Variants in MAP4K5 observed in about 807,000 individuals in gnomAD.
MAP4K5 encodes the protein MAPK/ERK kinase kinase kinase 5.
MAP4K5 carries 82 observed loss-of-function variants against 135.6 expected under a neutral mutation model. The ratio of observed to expected loss-of-function variants is 0.60; its 90% CI spans 0.51 to 0.73. The LOEUF (loss-of-function observed/expected upper bound fraction) is 0.73, where lower values mean the gene tolerates loss of function less well. Among genes scored for constraint, MAP4K5 ranks in the 30% least tolerant of loss-of-function variants. The probability of loss-of-function intolerance (pLI) is 0.00; values close to 1 mark genes in which losing one functional copy is unlikely to be tolerated. For missense variants in MAP4K5, 907 were observed against 1,010.9 expected (o/e 0.90, Z 1.39); for synonymous variants, 347 against 335.0 (o/e 1.04, Z -0.39).
At chr14:50,534,585 G>A (rs2038469118), upstream of MAP4K5, among the ~76,000 whole-genome samples, 4 of 152,232 alleles carry the variant, frequency 2.6e-5, no homozygotes, top group Admixed American at 2.6e-4. Context: ...CAAGACCCTG[G>A]AGTGCGGATA....
rs377483235 is a variant in MAP4K5 at position 50,440,371 on chromosome 14, C to T, written c.1635G>A (p.Thr545=). 32 of 1,592,396 alleles carry T rather than the reference C, an allele frequency of 2.0e-5. No individual in the cohort carries two copies. The highest frequency in any genetic ancestry group is 1.0e-4 in the South Asian group (9 of 88,888). The change falls in exon 22 of 33, where the codon ACG becomes ACA. Residue 545 remains threonine (T), a synonymous_variant. Coordinates refer to ENST00000682126, the MANE Select transcript of MAP4K5 (RefSeq NM_006575.6). ...TLNLNELHEA[T]MEQLFPRKCT... is the part of the protein sequence containing the mutation. ...TAAAATGCCTAATTACCTGTTCCAT[C>T]GTTGCCTCATGTAGCTCATTGAGAT... is the stretch of plus-strand genomic sequence containing the variant.
intron 28 of MAP4K5, among the ~76,000 whole-genome samples, chr14:50,429,823 C>A (rs2035930500): frequency 6.6e-6 from 1 of 152,140 alleles, no homozygotes; most frequent in African/African-American, 2.4e-5. Context: ...TCAAGAACAT[C>A]TTTGCAGGAT....
intron 27 of MAP4K5, 60 bp from the exon 28 acceptor site, chr14:50,434,631 T>A: frequency 6.9e-7 from 1 of 1,450,562 alleles, no homozygotes; most frequent in Non-Finnish European, 9.4e-7. Context: ...TTCATACCAC[T>A]GTTGAATAAA....
intron 1 of MAP4K5, among the ~76,000 whole-genome samples, chr14:50,553,825 A>G (rs2038733393): frequency 6.6e-6 from 1 of 152,218 alleles, no homozygotes; most frequent in African/African-American, 2.4e-5. Flanking sequence ...GTTGGAGGCC[A>G]TTATTCTAAG....
chr14:50,509,354 T>C (rs2037882179), intron 2 of MAP4K5, among the ~76,000 whole-genome samples: 1 of 152,182 alleles, frequency 6.6e-6, no homozygotes, highest in Non-Finnish European at 1.5e-5. Context: ...ATGCAACAGA[T>C]ACTAGAGAAA....
At chr14:50,490,517 T>C (rs1250221162) in intron 3 of MAP4K5, among the ~76,000 whole-genome samples, 1 of 152,186 alleles carries the variant, frequency 6.6e-6, no homozygotes, top group East Asian at 1.9e-4. Flanking sequence ...CAACATAGTG[T>C]TTCAAGGCTG....
At chr14:50,477,213 T>C (rs980155087) in intron 6 of MAP4K5, among the ~76,000 whole-genome samples, 1 of 152,216 alleles carries the variant, frequency 6.6e-6, no homozygotes, top group Non-Finnish European at 1.5e-5. Flanking sequence ...GTCATATTTA[T>C]CCCTAAGAAT....
chr14:50,441,673 T>A (rs1025402154), intron 21 of MAP4K5, among the ~76,000 whole-genome samples: 1 of 151,464 alleles, frequency 6.6e-6, no homozygotes, highest in South Asian at 2.1e-4. Flanking sequence ...TGCACTGAAC[T>A]ATGACTGCAC....
intron 1 of MAP4K5, among the ~76,000 whole-genome samples, chr14:50,544,317 C>G (rs1433181350): frequency 6.6e-6 from 1 of 152,226 alleles, no homozygotes; most frequent in Non-Finnish European, 1.5e-5. Context: ...TCTGTCCTTA[C>G]TATCAGAACC....
chr14:50,437,985 G>A lies in MAP4K5; in HGVS notation c.1732C>T (p.His578Tyr), dbSNP rs1179258446. The change falls in exon 25 of 33, where the codon CAC becomes TAC. Residue 578 changes from histidine (H) to tyrosine (Y), a missense_variant. Coordinates refer to ENST00000682126, the MANE Select transcript of MAP4K5 (RefSeq NM_006575.6). ...SEGKTFQLYS[H>Y]NLIALFEHAK... ...TGTTCAAACAAAGCTATAAGATTGT[G>A]AGAGTAGAGCTGAAAGGTTTTTCCT... 6.2e-7 allele frequency: 1 copy of A among 1,608,060 alleles called. No homozygotes were observed. Among genetic ancestry groups the A allele is most frequent in the Admixed American group, 1.7e-5 (1 of 59,912 alleles).
chr14:50,556,287 C>T (rs2038764637), intron 1 of MAP4K5, among the ~76,000 whole-genome samples: 1 of 152,124 alleles, frequency 6.6e-6, no homozygotes, highest in East Asian at 1.9e-4. Context: ...TGAAGTGCAG[C>T]GGCCTGAATC....
chr14:50,430,993 G>C (rs940385751), intron 28 of MAP4K5, among the ~76,000 whole-genome samples: 4 of 152,172 alleles, frequency 2.6e-5, no homozygotes, highest in African/African-American at 9.7e-5. Context: ...GTCAGAGCCT[G>C]CTTCCCCCAT....
intron 2 of MAP4K5, among the ~76,000 whole-genome samples, chr14:50,526,365 T>C (rs1426919340): frequency 6.6e-6 from 1 of 152,204 alleles, no homozygotes; most frequent in Non-Finnish European, 1.5e-5. Context: ...AGTGGCGCAA[T>C]CTCAGCTCAC....
At chr14:50,431,305 AG>A (rs1566635042) in intron 28 of MAP4K5, among the ~76,000 whole-genome samples, 2 of 152,158 alleles carry the variant, frequency 1.3e-5, no homozygotes, top group Admixed American at 1.3e-4. Flanking sequence ...CACAATGTGC[AG>A]GTTAGTTACA....
chr14:50,516,729 A>G (rs1214180428), intron 2 of MAP4K5, among the ~76,000 whole-genome samples: 1 of 152,206 alleles, frequency 6.6e-6, no homozygotes, highest in Non-Finnish European at 1.5e-5. Context: ...CTGTAGTTGT[A>G]TAAAGGCTTT....
At position 50,419,655 on chromosome 14, in the gene MAP4K5, T is replaced by G. The variant is rs2035680347; in HGVS notation, c.*364A>C. 5.6e-6 allele frequency: 1 copy of G among 177,530 alleles called. No individual in the cohort carries two copies. 11.0% of individuals were successfully genotyped at this position (177,530 alleles called of 1,614,324 possible). ...ATGTTCATTAAGAAGGAATAAGACA[T>G]GATATAAAATGATCACTAAATTTAC... On this transcript the variant is annotated 3_prime_UTR_variant, in exon 33 of 33. Transcript: ENST00000682126.
Position 50,464,134 on chromosome 14 carries a change from C to T in MAP4K5, c.738-1G>A. 6.8e-7 allele frequency: 1 copy of T among 1,469,854 alleles called. No homozygotes were observed. Among genetic ancestry groups the T allele is most frequent in the Non-Finnish European group, 9.3e-7 (1 of 1,077,148 alleles). The allele number at this position is 1,469,854 out of a possible 1,614,324, so 91.1% of individuals were successfully genotyped here. A position where few individuals can be genotyped will look rare whatever the true frequency, so the allele number is the denominator to read the frequency against. On this transcript the variant is annotated splice_acceptor_variant, in intron 11 of 32. Transcript: ENST00000682126. LOFTEE classifies it high-confidence loss of function. ...GACAAAATTATGGAATGTTGATGAC[C>T]TTAAAATAAAAAGAGACGTACAAAA...
chr14:50,492,703 G>C (rs369493111), intron 3 of MAP4K5, among the ~76,000 whole-genome samples: 1 of 152,120 alleles, frequency 6.6e-6, no homozygotes, highest in Non-Finnish European at 1.5e-5. Flanking sequence ...ATATCTGGTT[G>C]AGAAGTTAAT....
At chr14:50,511,386 A>G (rs2037925967) in intron 2 of MAP4K5, among the ~76,000 whole-genome samples, 1 of 152,158 alleles carries the variant, frequency 6.6e-6, no homozygotes. Flanking sequence ...AGTAGAACAG[A>G]GAATACTAGA....
Sources: allele counts gnomAD v4.1 joint callset (sites outside exome capture counted in the v4.1 genomes callset), GRCh38; gene constraint gnomAD v4.1.1; transcripts MANE v1.5; gene names NCBI Gene and HGNC (gene_info 2026-07-23, HGNC 2026-07-21).